The following THSD7B variants were observed in gnomAD, a reference collection of about 807,000 sequenced individuals.
THSD7B encodes thrombospondin type 1 domain containing 7B.
A neutral mutation model predicts 213.6 loss-of-function variants in THSD7B; 138 were observed. The observed-to-expected ratio is 0.65, with a 90% CI of 0.56 to 0.74. The LOEUF is 0.74. THSD7B is among the 30% of genes least tolerant of loss of function. The probability of loss-of-function intolerance (pLI) is 0.00; values close to 1 mark genes in which losing one functional copy is unlikely to be tolerated. For synonymous variants in THSD7B, 742 were observed against 687.0 expected (o/e 1.08, Z -1.25); for missense variants, 1,931 against 1,991.5 (o/e 0.97, Z 0.58).
At chr2:137,563,551 C>G (rs1681167669) in intron 16 of THSD7B, among the ~76,000 whole-genome samples, 197 bp downstream of exon 16, 1 of 152,114 alleles carries the variant, frequency 6.6e-6, no homozygotes, top group Non-Finnish European at 1.5e-5. Context: ...CTCTGCAGTG[C>G]AGCCACAATC....
At chr2:137,427,466 GTGTC>G (rs949347598) in intron 14 of THSD7B, among the ~76,000 whole-genome samples, 12 of 151,964 alleles carry the variant, frequency 7.9e-5, no homozygotes, top group African/African-American at 2.9e-4. Flanking sequence ...ATGTGCTTGT[GTGTC>G]TGTGTGTGTG....
intron 10 of THSD7B, among the ~76,000 whole-genome samples, chr2:137,264,734 CT>C (rs1486066621): frequency 1.3e-5 from 2 of 151,412 alleles, no homozygotes; most frequent in Non-Finnish European, 2.9e-5. Context: ...CCTATACTCT[CT>C]TTTCCCATTA....
intron 9 of THSD7B, among the ~76,000 whole-genome samples, chr2:137,234,866 T>C (rs560599361): frequency 2.2e-4 from 34 of 152,278 alleles, no homozygotes; most frequent in African/African-American, 8.2e-4. Flanking sequence ...AGTGAGCATA[T>C]CATACATATG....
At chr2:137,643,040 G>C (rs1282501343) in intron 21 of THSD7B, among the ~76,000 whole-genome samples, 1 of 152,218 alleles carries the variant, frequency 6.6e-6, no homozygotes, top group Non-Finnish European at 1.5e-5. Flanking sequence ...TTTAGGGTTA[G>C]ACAAAATCTT....
At chr2:137,471,136 G>T (rs1335757455) in intron 15 of THSD7B, among the ~76,000 whole-genome samples, 1 of 151,928 alleles carries the variant, frequency 6.6e-6, no homozygotes, top group Non-Finnish European at 1.5e-5. Flanking sequence ...GTCCAGGCTG[G>T]TCTTGAACTC....
At chr2:137,618,801 G>C (rs1344705690) in intron 19 of THSD7B, among the ~76,000 whole-genome samples, 1 of 152,100 alleles carries the variant, frequency 6.6e-6, no homozygotes. Context: ...TGTTGACCTT[G>C]GGCGACTTTA....
In THSD7B at chr2:137,096,401, A is replaced by C. The variant is rs550672798; in HGVS notation, c.1199+1280A>C. ...TCCTGAAACCTGATATGAGGTGTGC[A>C]TTAGAAAGGCAGGTTTCTGTTGTCA... On this transcript the variant is annotated intron_variant, in intron 4 of 27. Transcript: ENST00000409968. Among the ~76,000 whole-genome samples, 3 of 152,324 alleles carry C rather than the reference A, an allele frequency of 2.0e-5. No homozygotes were observed. The South Asian group carries it at 6.2e-4, about 32-fold the overall frequency.
intron 15 of THSD7B, among the ~76,000 whole-genome samples, chr2:137,514,412 C>T (rs995961513): frequency 1.3e-5 from 2 of 152,176 alleles, no homozygotes; most frequent in African/African-American, 4.8e-5. Flanking sequence ...TGTCCTTGAA[C>T]ATTGGACTCC....
intron 5 of THSD7B, among the ~76,000 whole-genome samples, chr2:137,151,958 A>G (rs1679826944): frequency 1.3e-5 from 2 of 149,964 alleles, no homozygotes; most frequent in Non-Finnish European, 3.0e-5. Flanking sequence ...GTGGAGGGTG[A>G]CCTTTGCACC....
intron 14 of THSD7B, among the ~76,000 whole-genome samples, chr2:137,436,350 G>A (rs888010437): frequency 6.6e-6 from 1 of 151,958 alleles, no homozygotes; most frequent in Non-Finnish European, 1.5e-5. Flanking sequence ...TTATTCTTAT[G>A]TTACAGATAA....
intron 26 of THSD7B, among the ~76,000 whole-genome samples, chr2:137,664,823 GA>G (rs1167869505): frequency 6.6e-6 from 1 of 152,150 alleles, no homozygotes; most frequent in Non-Finnish European, 1.5e-5. Flanking sequence ...ACTTCTTTCG[GA>G]AACAAAATGC....
chr2:137,114,300 G>A (rs1285238243), intron 4 of THSD7B, among the ~76,000 whole-genome samples: 1 of 152,160 alleles, frequency 6.6e-6, no homozygotes, highest in Non-Finnish European at 1.5e-5. Flanking sequence ...ACTGCTGTGG[G>A]CTTAAAGAAT....
At chr2:136,814,780 G>A (rs528202434) in intron 1 of THSD7B, among the ~76,000 whole-genome samples, 1 of 152,200 alleles carries the variant, frequency 6.6e-6, no homozygotes, top group East Asian at 1.9e-4. Flanking sequence ...AGCTTATATG[G>A]CAGCTATAAA....
intron 14 of THSD7B, among the ~76,000 whole-genome samples, chr2:137,443,262 C>T (rs1053990884): frequency 6.6e-6 from 1 of 152,076 alleles, no homozygotes; most frequent in African/African-American, 2.4e-5. Context: ...TTTCAAAGAT[C>T]AGTTCTTTAT....
At chr2:137,006,718 T>C (rs1399815509) in intron 2 of THSD7B, among the ~76,000 whole-genome samples, 1 of 152,224 alleles carries the variant, frequency 6.6e-6, no homozygotes, top group Admixed American at 6.5e-5. Context: ...AATTGAATAT[T>C]GTATATCTCA....
chr2:137,503,633 CT>C (rs1262592821), intron 15 of THSD7B, among the ~76,000 whole-genome samples: 1 of 152,210 alleles, frequency 6.6e-6, no homozygotes, highest in Non-Finnish European at 1.5e-5. Context: ...AGATTACCTA[CT>C]TTCTTGATGC....
At chr2:137,494,815 C>G (rs1001193716) in intron 15 of THSD7B, among the ~76,000 whole-genome samples, 3 of 152,204 alleles carry the variant, frequency 2.0e-5, no homozygotes, top group Non-Finnish European at 4.4e-5. Flanking sequence ...TCTAGAATTA[C>G]ATGCAAACAT....
chr2:137,437,741 C>G (rs958045293), intron 14 of THSD7B, among the ~76,000 whole-genome samples: 1 of 152,130 alleles, frequency 6.6e-6, no homozygotes, highest in African/African-American at 2.4e-5. Flanking sequence ...TCATCCCCAT[C>G]GATGCCAGCC....
chr2:137,134,932 C>T (rs1380349875), intron 5 of THSD7B, among the ~76,000 whole-genome samples: 2 of 152,086 alleles, frequency 1.3e-5, no homozygotes, highest in Non-Finnish European at 2.9e-5. Context: ...AGATTGCTGC[C>T]CTCAGAGTCT....
Sources: gnomAD v4.1 joint callset for allele counts (sites outside exome capture counted in the v4.1 genomes callset) on GRCh38, gnomAD v4.1.1 for gene constraint, MANE v1.5 for transcripts, NCBI Gene and HGNC (gene_info 2026-07-23, HGNC 2026-07-21) for gene names.